Variants in KAZN observed in about 807,000 individuals in gnomAD.
KAZN encodes the protein kazrin.
In KAZN, 40 loss-of-function variants were observed where a neutral mutation model predicts 87.4. The observed-to-expected ratio is 0.46, with a 90% confidence interval of 0.36 to 0.60. The LOEUF (loss-of-function observed/expected upper bound fraction) is 0.60, where lower values mean the gene tolerates loss of function less well. Ranked by LOEUF, KAZN falls within the 20% of genes least tolerant of loss-of-function variation. KAZN has a pLI of 0.00. For synonymous variants in KAZN, 466 were observed against 458.3 expected (o/e 1.02, Z -0.22); for missense variants, 898 against 1,073.9 (o/e 0.84, Z 2.29).
intron 1 of KAZN, among the ~76,000 whole-genome samples, chr1:14,043,946 A>G (rs1480093486): frequency 1.3e-5 from 2 of 152,154 alleles, no homozygotes; most frequent in Non-Finnish European, 2.9e-5. Flanking sequence ...TAGCTTGGAC[A>G]GTTCTGTGGG....
Position 14,240,226 on chromosome 1 carries a change from A to G in KAZN, c.249+59634A>G, listed in dbSNP as rs10928054. ...TCAGCCATTTTCTTATACACAAACT[A>G]TATCAGCAGATAAAAGGAAACAAGG... On this transcript the variant is annotated intron_variant, in intron 2 of 16. Transcript: ENST00000636203. Among the ~76,000 whole-genome samples the G allele has an allele frequency of 8.0e-3, 1,215 of 152,326 alleles. 16 individuals carry two copies. Among genetic ancestry groups the G allele is most frequent in the African/African-American group, 0.028 (1,152 of 41,568 alleles).
At chr1:15,075,469 T>C (rs542115439) in intron 8 of KAZN, among the ~76,000 whole-genome samples, 1 of 152,340 alleles carries the variant, frequency 6.6e-6, no homozygotes, top group African/African-American at 2.4e-5. Context: ...TTTACTCTCA[T>C]TCGGTGGATC....
chr1:14,926,169 C>G (rs985473363), intron 1 of KAZN, among the ~76,000 whole-genome samples: 1 of 152,188 alleles, frequency 6.6e-6, no homozygotes, highest in Non-Finnish European at 1.5e-5. Flanking sequence ...GCTCTCTGCT[C>G]CATCTCCACC....
At chr1:14,473,671 A>G (rs1436475455) in intron 2 of KAZN, among the ~76,000 whole-genome samples, 3 of 148,610 alleles carry the variant, frequency 2.0e-5, no homozygotes, top group Non-Finnish European at 4.5e-5. Flanking sequence ...ACAAAAAAAA[A>G]CTCTTCATCA....
intron 1 of KAZN, among the ~76,000 whole-genome samples, chr1:14,047,043 G>C (rs949825070): frequency 6.6e-6 from 1 of 152,108 alleles, no homozygotes; most frequent in Non-Finnish European, 1.5e-5. Context: ...TCCTTTGTCT[G>C]TCCACCCATC....
At chr1:14,418,609 T>A (rs1665040742) in intron 2 of KAZN, among the ~76,000 whole-genome samples, 1 of 152,228 alleles carries the variant, frequency 6.6e-6, no homozygotes, top group Non-Finnish European at 1.5e-5. Context: ...ATAGCAAGGC[T>A]TGTTTTATAG....
At chr1:14,641,468 G>A (rs1241132968) in intron 1 of KAZN, among the ~76,000 whole-genome samples, 4 of 152,124 alleles carry the variant, frequency 2.6e-5, no homozygotes, top group South Asian at 2.1e-4. Flanking sequence ...CATGAGGCTC[G>A]GCTCCACAAG....
chr1:14,024,969 A>G (rs1446518340), intron 1 of KAZN, among the ~76,000 whole-genome samples: 1 of 152,210 alleles, frequency 6.6e-6, no homozygotes, highest in Non-Finnish European at 1.5e-5. Flanking sequence ...AAGTATCCCA[A>G]TGAGATTGGT....
chr1:14,053,852 C>T (rs1642440201), intron 1 of KAZN, among the ~76,000 whole-genome samples: 1 of 152,120 alleles, frequency 6.6e-6, no homozygotes, highest in Non-Finnish European at 1.5e-5. Flanking sequence ...TTACCAATAA[C>T]ATAGTTGATT....
intron 2 of KAZN, among the ~76,000 whole-genome samples, chr1:14,461,466 G>C (rs768559692): frequency 2.6e-5 from 4 of 152,000 alleles, no homozygotes; most frequent in Non-Finnish European, 5.9e-5. Flanking sequence ...TTCACCTTCT[G>C]CCATGATTGT....
At chr1:14,276,284 A>G (rs1027299865) in intron 2 of KAZN, among the ~76,000 whole-genome samples, 21 of 151,886 alleles carry the variant, frequency 1.4e-4, no homozygotes, top group African/African-American at 3.6e-4. Context: ...CATCATCATC[A>G]TCGTCATCAG....
chr1:14,302,180 C>A (rs1468467421), intron 2 of KAZN, among the ~76,000 whole-genome samples: 1 of 152,208 alleles, frequency 6.6e-6, no homozygotes, highest in Non-Finnish European at 1.5e-5. Context: ...CCTCTGAAAC[C>A]TTTCCAACTA....
intron 1 of KAZN, among the ~76,000 whole-genome samples, chr1:14,728,289 T>TAAAAAAA (rs55745144): frequency 6.7e-5 from 2 of 29,828 alleles, no homozygotes; most frequent in Admixed American, 4.6e-4. Flanking sequence ...ACCGTATATA[T>TAAAAAAA]AAAAAAAAAA....
chr1:14,965,275 T>C (rs1379307697), intron 2 of KAZN, among the ~76,000 whole-genome samples: 4 of 152,048 alleles, frequency 2.6e-5, no homozygotes, highest in Non-Finnish European at 5.9e-5. Flanking sequence ...CCGGGTCGGC[T>C]TTCCAAAGTG....
At chr1:14,017,013 C>G (rs571665119) in intron 1 of KAZN, among the ~76,000 whole-genome samples, 1 of 152,276 alleles carries the variant, frequency 6.6e-6, no homozygotes, top group East Asian at 1.9e-4. Context: ...ATAGGTTCTT[C>G]GAGAAGTGCC....
chr1:15,042,368 G>A (rs1242663412), intron 3 of KAZN, among the ~76,000 whole-genome samples: 1 of 152,292 alleles, frequency 6.6e-6, no homozygotes, highest in South Asian at 2.1e-4. Flanking sequence ...AATATTGGTT[G>A]AATAACAGAC....
At chr1:15,097,892 A>G (rs1640870100) in intron 10 of KAZN, among the ~76,000 whole-genome samples, 1 of 152,208 alleles carries the variant, frequency 6.6e-6, no homozygotes, top group Non-Finnish European at 1.5e-5. Flanking sequence ...ACCTGACTTC[A>G]AAGTCAGTTG....
At chr1:14,499,437 A>C (rs1670120458) in intron 2 of KAZN, among the ~76,000 whole-genome samples, 1 of 152,178 alleles carries the variant, frequency 6.6e-6, no homozygotes, top group Admixed American at 6.5e-5. Flanking sequence ...GCTAGAAGAT[A>C]TTGATCCCGT....
chr1:14,100,239 G>T (rs1019494377), intron 1 of KAZN, among the ~76,000 whole-genome samples: 21 of 152,112 alleles, frequency 1.4e-4, no homozygotes, highest in African/African-American at 5.1e-4. Flanking sequence ...ACTTGAGGTG[G>T]CTATTTGAGT....
Sources: allele counts gnomAD v4.1 joint callset (sites outside exome capture counted in the v4.1 genomes callset), GRCh38; gene constraint gnomAD v4.1.1; transcripts MANE v1.5; gene names NCBI Gene and HGNC (gene_info 2026-07-23, HGNC 2026-07-21).